Variants in AFAP1L2 observed in about 807,000 individuals in gnomAD.
AFAP1L2 encodes actin filament-associated protein 1-like 2.
AFAP1L2 carries 46 observed loss-of-function variants against 99.3 expected under a neutral mutation model. The ratio of observed to expected loss-of-function variants is 0.46; its 90% CI spans 0.37 to 0.59. The LOEUF (loss-of-function observed/expected upper bound fraction) is 0.59, where lower values mean the gene tolerates loss of function less well. Ranked by LOEUF, AFAP1L2 falls within the 20% of genes least tolerant of loss-of-function variation. AFAP1L2 has a pLI of 0.00. For missense variants in AFAP1L2, 959 were observed against 1,034.9 expected, an observed-to-expected ratio of 0.93 and a Z score of 1.01; for synonymous variants, 397 against 419.1, an observed-to-expected ratio of 0.95 and a Z score of 0.64.
rs550058914 is a variant in AFAP1L2 at position 114,339,773 on chromosome 10, A to G, written c.145+830T>C. On this transcript the variant is annotated intron_variant, in intron 2 of 18. Transcript: ENST00000304129. ...TTACGCCTGTAATCCCAGCACTTTG[A>G]GAGGCTGAGGTGGATGGATCACCTG... Among the ~76,000 whole-genome samples the G allele has an allele frequency of 2.5e-4, 38 of 151,904 alleles. 1 individual carries two copies. The highest frequency in any genetic ancestry group is 8.9e-4 in the African/African-American group (37 of 41,440).
At chr10:114,358,994 T>G (rs373606466) in intron 1 of AFAP1L2, among the ~76,000 whole-genome samples, 2 of 152,198 alleles carry the variant, frequency 1.3e-5, no homozygotes, top group Non-Finnish European at 2.9e-5. Context: ...GATTCGTATA[T>G]ACATACAGGA....
rs1026652363 is a variant in AFAP1L2, at chr10:114,389,025, G to T, written c.16+15415C>A. Among the ~76,000 whole-genome samples, 3 of 152,160 alleles carry T rather than the reference G, an allele frequency of 2.0e-5. No homozygotes were observed. The South Asian group carries it at 6.2e-4, about 32-fold the overall frequency. On this transcript the variant is annotated intron_variant, in intron 1 of 18. Transcript: ENST00000304129. Reference sequence around the variant, plus strand: ...GACACCACCAGTGCCAACCTCAGGGGTTATTTCTATGTTCCGGAAGACTTA... The same window carrying T: ...GACACCACCAGTGCCAACCTCAGGGTTTATTTCTATGTTCCGGAAGACTTA...
chr10:114,281,455 G>A, the AFAP1L2 span, among the ~76,000 whole-genome samples: 7 of 152,186 alleles, frequency 4.6e-5, no homozygotes, highest in Non-Finnish European at 8.8e-5. Context: ...GGCCCTAAGT[G>A]AGCCCTCAGA....
At chr10:114,285,956 G>A in the AFAP1L2 span, 1 of 1,599,706 alleles carries the variant, frequency 6.3e-7, no homozygotes, top group Non-Finnish European at 8.5e-7. Context: ...GCTGAGCCTG[G>A]AATGCAGGGT....
At chr10:114,340,306 T>C (rs964555817) in intron 2 of AFAP1L2, among the ~76,000 whole-genome samples, 2 of 151,612 alleles carry the variant, frequency 1.3e-5, no homozygotes, top group African/African-American at 2.4e-5. Flanking sequence ...GGTGACAGAG[T>C]GAGCCCCTGC....
At chr10:114,306,074 C>T (rs1437222299) in intron 10 of AFAP1L2, among the ~76,000 whole-genome samples, 1 of 73,702 alleles carries the variant, frequency 1.4e-5, no homozygotes, top group East Asian at 4.6e-4. Flanking sequence ...CANGAAGCGA[C>T]GGGGCTGCAG....
rs1249656964 is a variant in AFAP1L2, at chr10:114,350,880, C to A, written c.17-10149G>T. Among the ~76,000 whole-genome samples the A allele has an allele frequency of 2.6e-5, 4 of 152,304 alleles. 1 individual carries two copies. Among genetic ancestry groups the A allele is most frequent in the South Asian group, 4.1e-4 (2 of 4,820 alleles). The stretch of plus-strand genomic sequence containing the variant: ...AAGACACTCCAGGTTCCAGCGGCGA[C>A]CAGGGTCCAGGCCAGACAAAGAGGC... On this transcript the variant is annotated intron_variant, in intron 1 of 18. Transcript: ENST00000304129.
intron 1 of AFAP1L2, among the ~76,000 whole-genome samples, chr10:114,349,556 A>AG (rs2050145173): frequency 1.4e-3 from 1 of 740 alleles, no homozygotes; most frequent in Non-Finnish European, 0.017. Flanking sequence ...TGTCGCTTGG[A>AG]AAAAAAAAAA....
intron 2 of AFAP1L2, among the ~76,000 whole-genome samples, chr10:114,338,443 T>C (rs1027200281): frequency 6.6e-6 from 1 of 152,254 alleles, no homozygotes; most frequent in Non-Finnish European, 1.5e-5. Context: ...AATCTGAATT[T>C]GCCAGAAATA....
At chr10:114,378,698 C>A (rs567494865) in intron 1 of AFAP1L2, among the ~76,000 whole-genome samples, 35 of 152,258 alleles carry the variant, frequency 2.3e-4, no homozygotes, top group Middle Eastern at 3.4e-3. Flanking sequence ...AAGAAAATGG[C>A]CTAGAGGAGG....
rs1387480903 is a variant in AFAP1L2, at chr10:114,295,254, G to A, written c.*788C>T. The A allele has an allele frequency of 1.0e-6, 1 of 985,456 alleles. No homozygotes were observed. Among genetic ancestry groups the A allele is most frequent in the Non-Finnish European group, 1.2e-6 (1 of 829,746 alleles). 61.0% of individuals were successfully genotyped at this position (985,456 alleles called of 1,614,324 possible). On this transcript the variant is annotated 3_prime_UTR_variant, in exon 19 of 19. Coordinates refer to ENST00000304129, the MANE Select transcript of AFAP1L2 (RefSeq NM_001001936.3). ...AACACAGAGTAATATTTTTCCTACA[G>A]TAAAGAGTCACTTTAATCTCAAAAG...
At chr10:114,356,075 T>A (rs2051338100) in intron 1 of AFAP1L2, among the ~76,000 whole-genome samples, 1 of 152,236 alleles carries the variant, frequency 6.6e-6, no homozygotes, top group African/African-American at 2.4e-5. Context: ...ACCATGTATA[T>A]AAAATACATT....
intron 11 of AFAP1L2, 48 bp downstream of exon 11, chr10:114,304,671 C>T (rs1049809258): frequency 6.7e-7 from 1 of 1,500,816 alleles, no homozygotes; most frequent in Non-Finnish European, 9.0e-7. Flanking sequence ...AAACAGCCAC[C>T]ACCGCCACAC....
chr10:114,340,162 T>C (rs1435282538), intron 2 of AFAP1L2, among the ~76,000 whole-genome samples: 1 of 112,574 alleles, frequency 8.9e-6, no homozygotes, highest in Non-Finnish European at 1.8e-5. Flanking sequence ...TGAAATCCCA[T>C]CTCTACAAAA....
intron 5 of AFAP1L2, among the ~76,000 whole-genome samples, chr10:114,320,774 C>T (rs999334849): frequency 7.2e-5 from 11 of 152,216 alleles, no homozygotes; most frequent in Admixed American, 1.3e-4. Context: ...CCCCCTGGTG[C>T]GTCTGGCAGG....
chr10:114,389,218 G>A (rs1277535813), intron 1 of AFAP1L2, among the ~76,000 whole-genome samples: 2 of 152,132 alleles, frequency 1.3e-5, no homozygotes, highest in African/African-American at 4.8e-5. Flanking sequence ...AGGGACTCTG[G>A]TCATCTGGTC....
At chr10:114,284,605 T>C in the AFAP1L2 span, among the ~76,000 whole-genome samples, 133,082 of 152,228 alleles carry the variant, frequency 0.87, 58,547 homozygotes, top group East Asian at 0.98. Flanking sequence ...TTGTCAAGCT[T>C]CAGTCTAACA....
the AFAP1L2 span, among the ~76,000 whole-genome samples, chr10:114,281,437 A>AC: frequency 5.9e-5 from 9 of 152,038 alleles, no homozygotes; most frequent in Non-Finnish European, 1.2e-4. Context: ...TAATTATGTG[A>AC]CCTCAGGGGC....
chr10:114,400,410 G>C (rs186216854), intron 1 of AFAP1L2, among the ~76,000 whole-genome samples: 1 of 152,134 alleles, frequency 6.6e-6, no homozygotes, highest in African/African-American at 2.4e-5. Context: ...GGGCTCCCAC[G>C]CAACTTCAAA....
Sources: allele counts gnomAD v4.1 joint callset (sites outside exome capture counted in the v4.1 genomes callset), GRCh38; gene constraint gnomAD v4.1.1; transcripts MANE v1.5; gene names NCBI Gene and HGNC (gene_info 2026-07-23, HGNC 2026-07-21).